VPS13B: variants seen among roughly 807,000 people sequenced by gnomAD.
VPS13B encodes intermembrane lipid transfer protein VPS13B.
In VPS13B, 285 loss-of-function variants were observed where a neutral mutation model predicts 426.4. That is an observed-to-expected ratio of 0.67 (90% CI 0.61 to 0.74). The LOEUF (loss-of-function observed/expected upper bound fraction) is 0.74, where lower values mean the gene tolerates loss of function less well. Ranked by LOEUF, VPS13B falls within the 30% of genes least tolerant of loss-of-function variation. The pLI is 0.00. For missense variants in VPS13B, 4,537 were observed against 4,782.6 expected, an observed-to-expected ratio of 0.95 and a Z score of 1.51; for synonymous variants, 1,676 against 1,676.4, an observed-to-expected ratio of 1.00 and a Z score of 0.01.
chr8:99,488,636 A>G (rs1223350631), intron 25 of VPS13B, among the ~76,000 whole-genome samples: 1 of 152,172 alleles, frequency 6.6e-6, no homozygotes, highest in Admixed American at 6.5e-5. Context: ...TTTATTTTAT[A>G]TACTAGAAAA....
chr8:99,372,763 T>G (rs1813262854), intron 19 of VPS13B, among the ~76,000 whole-genome samples: 1 of 152,214 alleles, frequency 6.6e-6, no homozygotes, highest in Admixed American at 6.5e-5. Flanking sequence ...TGGCAATTCC[T>G]CAAGGATCTA....
intron 31 of VPS13B, among the ~76,000 whole-genome samples, chr8:99,566,115 C>T (rs1588500939): frequency 6.6e-6 from 1 of 152,206 alleles, no homozygotes; most frequent in South Asian, 2.1e-4. Flanking sequence ...TATCTTCTTC[C>T]TTACATGTTG....
chr8:99,604,871 TAC>T (rs1352429833), intron 33 of VPS13B, among the ~76,000 whole-genome samples: 1 of 152,206 alleles, frequency 6.6e-6, no homozygotes, highest in Non-Finnish European at 1.5e-5. Context: ...GAGGAGTATC[TAC>T]ATAAATCACA....
chr8:99,858,329 C>T (rs979976315), intron 56 of VPS13B, among the ~76,000 whole-genome samples: 3 of 152,214 alleles, frequency 2.0e-5, no homozygotes, highest in Non-Finnish European at 4.4e-5. Context: ...CGCACAGCCG[C>T]GTTCCCATGG....
chr8:99,475,193 A>G (rs959697827), intron 24 of VPS13B, among the ~76,000 whole-genome samples: 4 of 152,232 alleles, frequency 2.6e-5, no homozygotes, highest in African/African-American at 9.6e-5. Context: ...GTTGCCTGGA[A>G]GTAGAACAGC....
At chr8:99,511,609 A>T (rs1325530780) in intron 29 of VPS13B, 97 bp downstream of exon 29, 1 of 1,259,406 alleles carries the variant, frequency 7.9e-7, no homozygotes, top group East Asian at 2.5e-5. Flanking sequence ...AAATATGAGC[A>T]GTTGGTTGTG....
At chr8:99,255,678 C>G (rs1817709192) in intron 17 of VPS13B, among the ~76,000 whole-genome samples, 1 of 152,018 alleles carries the variant, frequency 6.6e-6, no homozygotes, top group South Asian at 2.1e-4. Context: ...TCAGTGAGGC[C>G]TCTGTTGATA....
At position 99,183,565 on chromosome 8, in the gene VPS13B, C is replaced by T. The variant is rs527274744; in HGVS notation, c.2334-9311C>T. On this transcript the variant is annotated intron_variant, in intron 16 of 61. Coordinates refer to ENST00000357162, the MANE Select transcript of VPS13B (RefSeq NM_152564.5). ...TTTTAACTGTATTATTGTGTAGCATCGAATAGTATCTAATACTTAGTACTT... is the reference window on the plus strand; with the variant it reads ...TTTTAACTGTATTATTGTGTAGCATTGAATAGTATCTAATACTTAGTACTT... Among the ~76,000 whole-genome samples the T allele has an allele frequency of 5.9e-5, 9 of 152,116 alleles. No individual in the cohort carries two copies. The East Asian group carries it at 9.6e-4, about 16-fold the overall frequency.
At chr8:99,203,878 A>G (rs1411092190) in intron 17 of VPS13B, among the ~76,000 whole-genome samples, 1 of 152,184 alleles carries the variant, frequency 6.6e-6, no homozygotes, top group African/African-American at 2.4e-5. Flanking sequence ...ACAAATGGAA[A>G]AACATTCCAT....
At chr8:99,257,064 A>G (rs1817782762) in intron 17 of VPS13B, among the ~76,000 whole-genome samples, 1 of 152,192 alleles carries the variant, frequency 6.6e-6, no homozygotes, top group African/African-American at 2.4e-5. Flanking sequence ...ATATGAATCA[A>G]AGTTAGCACC....
chr8:99,080,550 G>C (rs1024833214), intron 3 of VPS13B, among the ~76,000 whole-genome samples: 4 of 151,882 alleles, frequency 2.6e-5, no homozygotes, highest in African/African-American at 9.7e-5. Flanking sequence ...TATATATCAC[G>C]ATCTGTTTCT....
chr8:99,024,315 T>A (rs1842038513), intron 2 of VPS13B, among the ~76,000 whole-genome samples: 6 of 151,644 alleles, frequency 4.0e-5, no homozygotes, highest in African/African-American at 1.4e-4. Flanking sequence ...ATTGAGTTGT[T>A]TGAGTTCCTT....
In VPS13B at chr8:99,627,575, G is replaced by T. The variant is rs560958275; in HGVS notation, c.5221-14236G>T. On this transcript the variant is annotated intron_variant, in intron 33 of 61. Coordinates refer to ENST00000357162, the MANE Select transcript of VPS13B (RefSeq NM_152564.5). ...ATTTTTGTATTTTTGGTAGAGATGG[G>T]GTTTCACCATGTTGGCCAGGCTGGC... 2.3e-4 allele frequency among the ~76,000 whole-genome samples: 35 copies of T among 152,126 alleles called. No homozygotes were observed. In the South Asian group the frequency reaches 5.8e-3, roughly 25 times the overall value.
At chr8:99,086,408 C>T (rs983384594) in intron 3 of VPS13B, among the ~76,000 whole-genome samples, 3 of 152,148 alleles carry the variant, frequency 2.0e-5, no homozygotes, top group Admixed American at 6.5e-5. Flanking sequence ...GTTCGAACTT[C>T]CTCCTTTAGC....
intron 36 of VPS13B, among the ~76,000 whole-genome samples, chr8:99,711,999 A>G (rs1350620015): frequency 6.6e-6 from 1 of 152,224 alleles, no homozygotes; most frequent in Non-Finnish European, 1.5e-5. Context: ...TCTCATAAGG[A>G]CAGAAATTAT....
At chr8:99,686,073 G>A (rs902602633) in intron 35 of VPS13B, among the ~76,000 whole-genome samples, 8 of 152,170 alleles carry the variant, frequency 5.3e-5, no homozygotes, top group African/African-American at 1.9e-4. Context: ...GCATTAGGGG[G>A]CACCCAAAGC....
At chr8:99,728,467 A>G (rs532742027) in intron 39 of VPS13B, among the ~76,000 whole-genome samples, 1 of 152,240 alleles carries the variant, frequency 6.6e-6, no homozygotes, top group South Asian at 2.1e-4. Context: ...CACATCATAA[A>G]TGGTAGCTGT....
chr8:99,640,013 T>TAAG (rs1438997007), intron 33 of VPS13B, among the ~76,000 whole-genome samples: 775 of 70,436 alleles, frequency 0.011, 16 homozygotes, highest in Non-Finnish European at 0.015. Context: ...ATAATAATAA[T>TAAG]AATAATAATA....
At chr8:99,456,754 A>T (rs1202700008) in intron 23 of VPS13B, among the ~76,000 whole-genome samples, 4 of 152,148 alleles carry the variant, frequency 2.6e-5, no homozygotes. Context: ...TTTAGTCTGT[A>T]GATTTCTTGT....
Sources: allele counts gnomAD v4.1 joint callset (sites outside exome capture counted in the v4.1 genomes callset), GRCh38; gene constraint gnomAD v4.1.1; transcripts MANE v1.5; gene names NCBI Gene and HGNC (gene_info 2026-07-23, HGNC 2026-07-21).